Variants in SDK1 observed in about 807,000 individuals in gnomAD.
SDK1 encodes the protein sidekick cell adhesion molecule 1.
A neutral mutation model predicts 245.5 loss-of-function variants in SDK1; 157 were observed. That is an observed-to-expected ratio of 0.64 (90% confidence interval 0.56 to 0.73). The LOEUF (loss-of-function observed/expected upper bound fraction) is 0.73, where lower values mean the gene tolerates loss of function less well. Among genes scored for constraint, SDK1 ranks in the 30% least tolerant of loss-of-function variants. The pLI, the probability that SDK1 is intolerant of heterozygous loss-of-function variation, is 0.00. For synonymous variants in SDK1, 1,647 were observed against 1,278.5 expected (o/e 1.29, Z -6.15); for missense variants, 3,583 against 3,002.3 (o/e 1.19, Z -4.52).
At chr7:3,718,519 CTCAATAAATAAATAAA>C (rs1483043704) in intron 4 of SDK1, among the ~76,000 whole-genome samples, 7 of 131,726 alleles carry the variant, frequency 5.3e-5, no homozygotes, top group Non-Finnish European at 1.1e-4. Context: ...AAAACTGTAT[CTCAATAAATAAATAAA>C]TAAATAAATA....
intron 1 of SDK1, among the ~76,000 whole-genome samples, chr7:3,568,281 A>G (rs917075647): frequency 6.6e-6 from 1 of 152,176 alleles, no homozygotes; most frequent in East Asian, 1.9e-4. Context: ...GTAGTCAGCT[A>G]CTTTAGGTAA....
chr7:3,319,895 TGCATTTGC>T (rs1779757793), intron 1 of SDK1, among the ~76,000 whole-genome samples: 10 of 140,626 alleles, frequency 7.1e-5, no homozygotes, highest in African/African-American at 1.4e-4. Flanking sequence ...TTTTTTTTTT[TGCATTTGC>T]TTTTCTGAAA....
intron 40 of SDK1, among the ~76,000 whole-genome samples, chr7:4,225,407 G>A (rs1395516071): frequency 2.6e-5 from 4 of 152,204 alleles, no homozygotes; most frequent in Non-Finnish European, 5.9e-5. Context: ...TCTTGTGTGG[G>A]AGAGCGGCCT....
intron 4 of SDK1, among the ~76,000 whole-genome samples, chr7:3,753,711 A>G (rs552006975): frequency 1.5e-4 from 23 of 152,276 alleles, no homozygotes; most frequent in African/African-American, 4.3e-4. Flanking sequence ...TTTATTATCA[A>G]TGAAATGCAT....
intron 1 of SDK1, among the ~76,000 whole-genome samples, chr7:3,354,604 C>T (rs961059123): frequency 1.3e-5 from 2 of 152,152 alleles, no homozygotes; most frequent in Admixed American, 6.5e-5. Flanking sequence ...AATCAGTCTA[C>T]ATTTTTTTCA....
chr7:4,040,997 T>C (rs7803897), intron 17 of SDK1, among the ~76,000 whole-genome samples: 47,890 of 152,112 alleles, frequency 0.31, 11,749 homozygotes, highest in African/African-American at 0.69. Context: ...TTGGGAGCTG[T>C]TTTCTGTTAA....
At position 3,987,255 on chromosome 7, in the gene SDK1, C is replaced by A. The variant is rs750980782; in HGVS notation, c.2064C>A (p.Leu688=). 75 of 1,613,976 alleles carry A rather than the reference C, an allele frequency of 4.6e-5. No homozygotes were observed. The highest frequency in any genetic ancestry group is 6.2e-5 in the Non-Finnish European group (73 of 1,179,952). ...CTTCCCACAGCCACGCCGTGGTGCT[C>A]TCTTGGGTCCGGCCCTTTGATGGAA... ...PNSSHSHAVV[L]SWVRPFDGNS... The change falls in exon 14 of 45, where the codon CTC becomes CTA. Residue 688 remains leucine (L), a synonymous_variant. Coordinates refer to ENST00000404826, the MANE Select transcript of SDK1 (RefSeq NM_152744.4).
intron 17 of SDK1, among the ~76,000 whole-genome samples, chr7:4,021,093 A>G (rs1243071739): frequency 6.6e-6 from 1 of 152,160 alleles, no homozygotes; most frequent in Non-Finnish European, 1.5e-5. Flanking sequence ...TGATGTGAGC[A>G]CCTGCAGTTT....
In SDK1 at chr7:4,139,671, GTGTATA is replaced by G. The variant is rs1421045436; in HGVS notation, c.4229-6047_4229-6042del. Among the ~76,000 whole-genome samples, 2 of 37,692 alleles carry G rather than the reference GTGTATA, an allele frequency of 5.3e-5. 1 individual carries two copies. The highest frequency in any genetic ancestry group is 2.2e-4 in the African/African-American group (2 of 9,026). 24.7% of individuals were successfully genotyped at this position (37,692 alleles called of 152,430 possible). On this transcript the variant is annotated intron_variant, in intron 28 of 44. Transcript: ENST00000404826. ...TATATGTGTGTGTGTATATGTGTGT[GTGTATA>G]TGTGTGTGTGTGTATGTGTGTGTGT...
chr7:3,312,421 A>G (rs1483953496), intron 1 of SDK1, among the ~76,000 whole-genome samples: 1 of 152,174 alleles, frequency 6.6e-6, no homozygotes, highest in African/African-American at 2.4e-5. Context: ...GATTGAGATG[A>G]TAGGATATAT....
chr7:3,861,191 A>G (rs182021012), intron 5 of SDK1, among the ~76,000 whole-genome samples: 1 of 152,334 alleles, frequency 6.6e-6, no homozygotes, highest in Admixed American at 6.5e-5. Flanking sequence ...AATGTTCCTG[A>G]GAAGGATGAT....
At chr7:4,230,217 G>A (rs1273121510) in intron 40 of SDK1, among the ~76,000 whole-genome samples, 1 of 151,054 alleles carries the variant, frequency 6.6e-6, no homozygotes, top group Non-Finnish European at 1.5e-5. Context: ...GTAGATGTGT[G>A]GATGGATGGA....
intron 5 of SDK1, among the ~76,000 whole-genome samples, chr7:3,838,348 A>G (rs1353190520): frequency 6.6e-6 from 1 of 152,136 alleles, no homozygotes; most frequent in African/African-American, 2.4e-5. Flanking sequence ...GCTCTGGAAA[A>G]CCCAGCATGG....
At chr7:4,236,315 C>T (rs765491306) in intron 41 of SDK1, among the ~76,000 whole-genome samples, 7 of 152,196 alleles carry the variant, frequency 4.6e-5, no homozygotes, top group Non-Finnish European at 7.3e-5. Context: ...CAGCACCCAT[C>T]AAGATACAAT....
At chr7:3,750,203 C>T (rs1032745015) in intron 4 of SDK1, among the ~76,000 whole-genome samples, 1 of 152,182 alleles carries the variant, frequency 6.6e-6, no homozygotes, top group Admixed American at 6.5e-5. Context: ...AGAGTTAGAA[C>T]TTACATCTCT....
chr7:3,861,380 G>A (rs1780688516), intron 5 of SDK1, among the ~76,000 whole-genome samples: 1 of 152,176 alleles, frequency 6.6e-6, no homozygotes, highest in Non-Finnish European at 1.5e-5. Context: ...TAAAGTTGAA[G>A]CATCTTCTTG....
At chr7:3,738,021 T>C (rs1469661607) in intron 4 of SDK1, among the ~76,000 whole-genome samples, 2 of 152,232 alleles carry the variant, frequency 1.3e-5, no homozygotes, top group Non-Finnish European at 2.9e-5. Context: ...ATAGTTTTGC[T>C]AGTTGGTTGT....
intron 35 of SDK1, among the ~76,000 whole-genome samples, chr7:4,190,341 C>G (rs903274138): frequency 3.9e-5 from 6 of 152,006 alleles, no homozygotes; most frequent in African/African-American, 1.5e-4. Flanking sequence ...TCTACACGGT[C>G]CTGGATGATG....
chr7:3,326,556 T>C (rs1779945676), intron 1 of SDK1, among the ~76,000 whole-genome samples: 1 of 152,168 alleles, frequency 6.6e-6, no homozygotes, highest in Non-Finnish European at 1.5e-5. Context: ...ACAGTATGTC[T>C]TGTTTCCCGC....
Sources: allele counts gnomAD v4.1 joint callset (sites outside exome capture counted in the v4.1 genomes callset), GRCh38; gene constraint gnomAD v4.1.1; transcripts MANE v1.5; gene names NCBI Gene and HGNC (gene_info 2026-07-23, HGNC 2026-07-21).